Variants in AP3B2 observed in about 807,000 individuals in gnomAD.
AP3B2 encodes the protein AP-3 complex subunit beta-2.
AP3B2 carries 50 observed loss-of-function variants against 126.9 expected under a neutral mutation model. The observed-to-expected ratio is 0.39, with a 90% CI of 0.31 to 0.50. The LOEUF is 0.50. Ranked by LOEUF, AP3B2 falls within the 20% of genes least tolerant of loss-of-function variation. The probability of loss-of-function intolerance (pLI) is 0.79; values close to 1 mark genes in which losing one functional copy is unlikely to be tolerated. For synonymous variants in AP3B2, 541 were observed against 565.0 expected, an observed-to-expected ratio of 0.96 and a Z score of 0.60; for missense variants, 1,177 against 1,426.4, an observed-to-expected ratio of 0.83 and a Z score of 2.82.
rs2048855038 is a variant in AP3B2 at position 82,709,788 on chromosome 15, T to G, written c.-82A>C. ...AGCGGAGGAAGGGAAGGCGGGCCGG[T>G]CCGGTCCGGGCTGGCGAAGGCGGCG... On this transcript the variant is annotated 5_prime_UTR_variant, in exon 1 of 27. Transcript: ENST00000535359. 1.7e-6 allele frequency: 2 copies of G among 1,185,020 alleles called. No individual in the cohort carries two copies. The highest frequency in any genetic ancestry group is 3.1e-5 in the Admixed American group (1 of 32,556). 73.4% of individuals were successfully genotyped at this position (1,185,020 alleles called of 1,614,324 possible).
At chr15:82,688,453 G>A (rs954026560) in intron 4 of AP3B2, 32 of 692,048 alleles carry the variant, frequency 4.6e-5, no homozygotes, top group Middle Eastern at 4.6e-4. Flanking sequence ...TCCACTCTCC[G>A]GGGGCTCAAG....
intron 4 of AP3B2, chr15:82,685,373 G>A (rs971988129): frequency 6.6e-6 from 1 of 152,184 alleles, no homozygotes; most frequent in Non-Finnish European, 1.5e-5. Flanking sequence ...AATGAGGTGT[G>A]CCTGTACTAT....
Position 82,662,728 on chromosome 15 carries a change from AG to A in AP3B2, c.2798del (p.Pro933LeufsTer24). 6.2e-7 allele frequency: 1 copy of A among 1,613,802 alleles called. No individual in the cohort carries two copies. Among genetic ancestry groups the A allele is most frequent in the Non-Finnish European group, 8.5e-7 (1 of 1,179,800 alleles). ...KGLHVGTPKL[P>X]AGISIQEFPE... ...GAAATTCTTGGATGCTGATGCCAGC[AG>A]GCAGTTTGGGAGTGCCCACATGCAG... On this transcript the variant is annotated frameshift_variant, in exon 23 of 27. Coordinates refer to ENST00000535359, the MANE Select transcript of AP3B2 (RefSeq NM_001278512.2). LOFTEE classifies it high-confidence loss of function.
intron 1 of AP3B2, among the ~76,000 whole-genome samples, chr15:82,698,349 CAGG>C (rs1215484889): frequency 6.6e-6 from 1 of 151,902 alleles, no homozygotes; most frequent in Admixed American, 6.6e-5. Context: ...CATATACCAC[CAGG>C]AGACCTCTCC....
At chr15:82,679,682 G>T in intron 10 of AP3B2, 47 bp downstream of exon 10, 1 of 1,547,638 alleles carries the variant, frequency 6.5e-7, no homozygotes, top group South Asian at 1.1e-5. Context: ...GTGGGTACAT[G>T]GGGTGGGGAG....
Position 82,676,560 on chromosome 15 carries a change from G to C in AP3B2, c.1566C>G (p.Val522=), listed in dbSNP as rs1172190017. 1 of 1,613,878 alleles carries C rather than the reference G, an allele frequency of 6.2e-7. No homozygotes were observed. The highest frequency in any genetic ancestry group is 8.5e-7 in the Non-Finnish European group (1 of 1,179,910). The part of the protein sequence containing the change: ...CEHVPRIAPD[V]LRKMAKSFTA... Reference sequence around the variant, plus strand: ...TGAATGACTTGGCCATTTTTCTTAAGACATCAGGTGCAATCCTGGGGACAT... The same window carrying C: ...TGAATGACTTGGCCATTTTTCTTAACACATCAGGTGCAATCCTGGGGACAT... Residue 522 remains valine (V), a synonymous_variant, in exon 14 of 27, where the codon GTC becomes GTG. Coordinates refer to ENST00000535359, the MANE Select transcript of AP3B2 (RefSeq NM_001278512.2).
intron 1 of AP3B2, among the ~76,000 whole-genome samples, chr15:82,702,805 CACCCTTG>C (rs974111415): frequency 7.2e-5 from 11 of 152,182 alleles, no homozygotes; most frequent in Non-Finnish European, 1.5e-5. Flanking sequence ...ATCGGGGGAC[CACCCTTG>C]GAAGATCAAT....
chr15:82,706,308 G>A (rs1394747027), intron 1 of AP3B2, among the ~76,000 whole-genome samples: 2 of 152,084 alleles, frequency 1.3e-5, no homozygotes, highest in Non-Finnish European at 2.9e-5. Flanking sequence ...CTTGCAAAAG[G>A]ACTATGTGTC....
intron 1 of AP3B2, among the ~76,000 whole-genome samples, chr15:82,707,526 C>T (rs2048815406): frequency 6.6e-6 from 1 of 152,212 alleles, no homozygotes; most frequent in South Asian, 2.1e-4. Flanking sequence ...CTCTTGTTTA[C>T]ACTGCCGGTT....
intron 4 of AP3B2, among the ~76,000 whole-genome samples, chr15:82,682,047 CTTTTTTTTTTTT>C (rs769028602): frequency 2.5e-5 from 2 of 79,926 alleles, no homozygotes; most frequent in East Asian, 4.3e-4. Context: ...TAGGCCCTTC[CTTTTTTTTTTTT>C]TTTTTTTTTT....
At chr15:82,670,111 T>TTGG (rs2048129058) in intron 14 of AP3B2, among the ~76,000 whole-genome samples, 3 of 89,130 alleles carry the variant, frequency 3.4e-5, no homozygotes, top group Non-Finnish European at 7.3e-5. Flanking sequence ...TTTTTTTTTT[T>TTGG]TGGCGGGGGG....
rs370042497 is a variant in AP3B2 at position 82,676,852 on chromosome 15, T to C, written c.1489-215A>G. Reference sequence around the variant, plus strand: ...CCTCTTCCCTAGGGCTTCATTAGCATAGAGCTTTCAAGACCCTAAGTCAGT... The same window carrying C: ...CCTCTTCCCTAGGGCTTCATTAGCACAGAGCTTTCAAGACCCTAAGTCAGT... On this transcript the variant is annotated intron_variant, in intron 13 of 26. Transcript: ENST00000535359. 1.2e-4 allele frequency among the ~76,000 whole-genome samples: 19 copies of C among 152,336 alleles called. No individual in the cohort carries two copies. In the East Asian group the frequency reaches 3.5e-3, roughly 28 times the overall value.
At chr15:82,662,282 A>G in intron 23 of AP3B2, 30 bp from the exon 24 acceptor site, 1 of 1,526,584 alleles carries the variant, frequency 6.6e-7, no homozygotes, top group Non-Finnish European at 8.9e-7. Context: ...TGAAGGGGAG[A>G]GGGAGGGCCA....
At chr15:82,691,849 G>A in intron 1 of AP3B2, 3 of 1,322,308 alleles carry the variant, frequency 2.3e-6, no homozygotes, top group African/African-American at 1.5e-5. Context: ...GATAAACTCA[G>A]ATGTAGGAAG....
intron 1 of AP3B2, chr15:82,691,730 G>C: frequency 6.3e-6 from 10 of 1,576,172 alleles, no homozygotes; most frequent in Non-Finnish European, 8.6e-6. Flanking sequence ...GTCTCAGTAG[G>C]GCCTGAAAGG....
At position 82,678,576 on chromosome 15, in the gene AP3B2, G is replaced by A. The variant is rs956288094; in HGVS notation, c.1183-409C>T. Among the ~76,000 whole-genome samples, 4 of 151,992 alleles carry A rather than the reference G, an allele frequency of 2.6e-5. No individual in the cohort carries two copies. The East Asian group carries it at 5.8e-4, about 22-fold the overall frequency. On this transcript the variant is annotated intron_variant, in intron 10 of 26. Coordinates refer to ENST00000535359, the MANE Select transcript of AP3B2 (RefSeq NM_001278512.2). ...CTCCACTTCCTAACCCAGGGTCTTC[G>A]CAGATGCTGTTTCCTCTGCGTGGAG...
chr15:82,662,416 A>T, intron 23 of AP3B2, 164 bp from the exon 24 acceptor site: 2 of 667,202 alleles, frequency 3.0e-6, no homozygotes, highest in Non-Finnish European at 5.2e-6. Flanking sequence ...TTTCCTCCTG[A>T]ACTCTAAGCA....
At chr15:82,673,603 G>C (rs546827391) in intron 14 of AP3B2, among the ~76,000 whole-genome samples, 8 of 152,100 alleles carry the variant, frequency 5.3e-5, no homozygotes, top group African/African-American at 4.8e-5. Flanking sequence ...AAGCAGAAAA[G>C]TTTAAAATAT....
At chr15:82,660,133 G>T (rs996714336) in intron 25 of AP3B2, 150 bp from the exon 26 acceptor site, 4 of 1,057,698 alleles carry the variant, frequency 3.8e-6, no homozygotes, top group Non-Finnish European at 5.4e-6. Flanking sequence ...TTGGGGAGAA[G>T]GTACTTCCCT....
Sources: gnomAD v4.1 joint callset for allele counts (sites outside exome capture counted in the v4.1 genomes callset) on GRCh38, gnomAD v4.1.1 for gene constraint, MANE v1.5 for transcripts, NCBI Gene and HGNC (gene_info 2026-07-23, HGNC 2026-07-21) for gene names.